Variants in PNPT1 observed in about 807,000 individuals in gnomAD.
PNPT1 encodes the protein polyribonucleotide nucleotidyltransferase 1.
PNPT1 carries 53 observed loss-of-function variants against 119.5 expected under a neutral mutation model. The observed-to-expected ratio is 0.44, with a 90% CI of 0.36 to 0.56. The LOEUF is 0.56. Among genes scored for constraint, PNPT1 ranks in the 20% least tolerant of loss-of-function variants. The pLI, the probability that PNPT1 is intolerant of heterozygous loss-of-function variation, is 0.00. For synonymous variants in PNPT1, 357 were observed against 322.1 expected, an observed-to-expected ratio of 1.11 and a Z score of -1.16; for missense variants, 948 against 938.5, an observed-to-expected ratio of 1.01 and a Z score of -0.13.
chr2:55,667,132 G>A (rs1406212338), intron 12 of PNPT1, 39 bp from the exon 13 acceptor site: 5 of 1,483,664 alleles, frequency 3.4e-6, no homozygotes, highest in Non-Finnish European at 4.7e-6. Flanking sequence ...AAGTAACGCT[G>A]GAAACAGAAA....
chr2:55,682,436 G>C (rs992885579), intron 5 of PNPT1, among the ~76,000 whole-genome samples: 2 of 152,012 alleles, frequency 1.3e-5, no homozygotes, highest in Admixed American at 1.3e-4. Context: ...ACTCCAGCCT[G>C]GGTGACAGAG....
chr2:55,688,674 G>A (rs908451911), intron 1 of PNPT1, among the ~76,000 whole-genome samples: 3 of 151,974 alleles, frequency 2.0e-5, no homozygotes, highest in South Asian at 2.1e-4. Context: ...ACAGTGAGCC[G>A]AGATTGTGCC....
At position 55,635,779 on chromosome 2, in the gene PNPT1, T is replaced by C. The variant is rs1695652390; in HGVS notation, c.*458A>G. 6.6e-6 allele frequency: 1 copy of C among 152,556 alleles called. No individual in the cohort carries two copies. Among genetic ancestry groups the C allele is most frequent in the Non-Finnish European group, 1.5e-5 (1 of 68,328 alleles). 9.5% of individuals were successfully genotyped at this position (152,556 alleles called of 1,614,324 possible). On this transcript the variant is annotated 3_prime_UTR_variant, in exon 28 of 28. Transcript: ENST00000447944. The stretch of plus-strand genomic sequence containing the variant: ...AAGAAATAGGCACTGGCTTTGAATA[T>C]GGCCTGTTCCAGTTTGTGAACCGTT...
intron 8 of PNPT1, among the ~76,000 whole-genome samples, chr2:55,673,943 G>C (rs191760154): frequency 2.0e-5 from 3 of 150,418 alleles, no homozygotes; most frequent in Admixed American, 1.3e-4. Context: ...GGCTGCTCTC[G>C]AACTCCTGAC....
At chr2:55,644,459 T>C (rs1695926465) in intron 23 of PNPT1, among the ~76,000 whole-genome samples, 178 bp downstream of exon 23, 1 of 152,222 alleles carries the variant, frequency 6.6e-6, no homozygotes, top group Admixed American at 6.5e-5. Context: ...GACCATTTGC[T>C]AATTTATTAA....
At chr2:55,676,600 G>A (rs1406737054) in intron 8 of PNPT1, among the ~76,000 whole-genome samples, 1 of 152,192 alleles carries the variant, frequency 6.6e-6, no homozygotes, top group Non-Finnish European at 1.5e-5. Context: ...GGTGGCCCAT[G>A]CCTGCAATCC....
At chr2:55,638,588 GCAGTGAGCTGTGATCATGCCACTATACTC>G (rs1245386202) in intron 26 of PNPT1, among the ~76,000 whole-genome samples, 2 of 152,084 alleles carry the variant, frequency 1.3e-5, no homozygotes, top group African/African-American at 2.4e-5. Context: ...GGCTGAGGCT[GCAGTGAGCTGTGATCATGCCACTATACTC>G]CAGCCTGGGT....
chr2:55,675,344 A>G (rs1464795985), intron 8 of PNPT1, among the ~76,000 whole-genome samples: 5 of 151,274 alleles, frequency 3.3e-5, no homozygotes, highest in Admixed American at 2.6e-4. Flanking sequence ...TTCCAGTGCT[A>G]TGGGAGGCCA....
intron 1 of PNPT1, 31 bp downstream of exon 1, chr2:55,693,632 G>C (rs780846113): frequency 1.9e-6 from 3 of 1,612,864 alleles, no homozygotes; most frequent in East Asian, 4.5e-5. Flanking sequence ...GACACCTTAT[G>C]ACAATACAGT....
At position 55,671,533 on chromosome 2, in the gene PNPT1, CAT is replaced by C. The variant is rs1029108549; in HGVS notation, c.919-159_919-158del. Among the ~76,000 whole-genome samples the C allele has an allele frequency of 3.9e-5, 6 of 152,178 alleles. 1 individual carries two copies. Among genetic ancestry groups the C allele is most frequent in the African/African-American group, 1.2e-4 (5 of 41,424 alleles). On this transcript the variant is annotated intron_variant, in intron 10 of 27. Transcript: ENST00000447944. ...GGTTCTTGATTTATGACAAATACTA[CAT>C]GTTAATTCATTCAAATACATTTGTA...
chr2:55,674,592 C>CA (rs1697009144), intron 8 of PNPT1, among the ~76,000 whole-genome samples: 2 of 151,878 alleles, frequency 1.3e-5, no homozygotes, highest in African/African-American at 2.4e-5. Context: ...GGCTCCATCT[C>CA]AAAAAAATAA....
intron 11 of PNPT1, among the ~76,000 whole-genome samples, chr2:55,669,825 C>A (rs1206033067): frequency 6.8e-6 from 1 of 146,762 alleles, no homozygotes; most frequent in Non-Finnish European, 1.5e-5. Flanking sequence ...CAGTGGCGGT[C>A]TCAGCTCACT....
At chr2:55,664,663 G>A (rs1696680555) in intron 13 of PNPT1, among the ~76,000 whole-genome samples, 1 of 152,104 alleles carries the variant, frequency 6.6e-6, no homozygotes, top group Non-Finnish European at 1.5e-5. Context: ...ATAATAAAAT[G>A]ACGGTAAATT....
intron 26 of PNPT1, among the ~76,000 whole-genome samples, chr2:55,638,109 C>G (rs1695729393): frequency 6.6e-6 from 1 of 150,794 alleles, no homozygotes; most frequent in Non-Finnish European, 1.5e-5. Flanking sequence ...CGAAACCAGT[C>G]TGACCAACAT....
At chr2:55,670,964 T>TA (rs1696893673) in intron 11 of PNPT1, among the ~76,000 whole-genome samples, 1 of 35,448 alleles carries the variant, frequency 2.8e-5, no homozygotes, top group Non-Finnish European at 5.9e-5. Context: ...GATCTTCAAC[T>TA]AAAGTTAAAA....
chr2:55,645,710 A>G (rs1471707279), intron 21 of PNPT1, among the ~76,000 whole-genome samples: 5 of 152,122 alleles, frequency 3.3e-5, no homozygotes, highest in African/African-American at 1.2e-4. Context: ...CTTTTTTTAA[A>G]ATAGATATGG....
At chr2:55,654,767 G>T (rs1696331220) in intron 18 of PNPT1, 133 bp downstream of exon 18, 2 of 703,794 alleles carry the variant, frequency 2.8e-6, no homozygotes, top group Non-Finnish European at 5.0e-6. Flanking sequence ...GTAGAGATGA[G>T]GTCTTGCTAT....
At chr2:55,654,614 A>C (rs550088498) in intron 18 of PNPT1, among the ~76,000 whole-genome samples, 1 of 152,228 alleles carries the variant, frequency 6.6e-6, no homozygotes, top group South Asian at 2.1e-4. Context: ...CTGAAGCTCT[A>C]CTTTTCAGCC....
chr2:55,692,449 A>T (rs1457192643), intron 1 of PNPT1, among the ~76,000 whole-genome samples: 1 of 152,308 alleles, frequency 6.6e-6, no homozygotes, highest in South Asian at 2.1e-4. Flanking sequence ...AAGTACACGT[A>T]AAAAATTTAG....
Sources: allele counts gnomAD v4.1 joint callset (sites outside exome capture counted in the v4.1 genomes callset), GRCh38; gene constraint gnomAD v4.1.1; transcripts MANE v1.5; gene names NCBI Gene and HGNC (gene_info 2026-07-23, HGNC 2026-07-21).